Variants in SMC5 observed in about 807,000 individuals in gnomAD.
SMC5 encodes structural maintenance of chromosomes protein 5.
In SMC5, 88 loss-of-function variants were observed where a neutral mutation model predicts 148.3. The ratio of observed to expected loss-of-function variants is 0.59; its 90% confidence interval spans 0.50 to 0.71. The LOEUF is 0.71. Among genes scored for constraint, SMC5 ranks in the 30% least tolerant of loss-of-function variants. SMC5 has a pLI of 0.00. For missense variants in SMC5, 1,142 were observed against 1,298.9 expected (o/e 0.88, Z 1.86); for synonymous variants, 421 against 432.8 (o/e 0.97, Z 0.34).
Position 70,300,110 on chromosome 9 carries a change from G to A in SMC5, c.1374G>A (p.Gln458=), listed in dbSNP as rs762328337. The change falls in exon 10 of 25, where the codon CAG becomes CAA. Residue 458 remains glutamine (Q), a synonymous_variant. Transcript: ENST00000361138. ...ATCAGAAGGAAGATAAGCTAAGACA[G>A]AGATTCCGTGACACGTATGATGCTG... ...LMNQKEDKLR[Q]RFRDTYDAVL... is the part of the protein sequence containing the mutation. 2.1e-5 allele frequency: 33 copies of A among 1,603,570 alleles called. No individual in the cohort carries two copies. Among genetic ancestry groups the A allele is most frequent in the Non-Finnish European group, 2.6e-5 (31 of 1,177,036 alleles).
intron 8 of SMC5, among the ~76,000 whole-genome samples, chr9:70,287,942 C>G (rs1384811231): frequency 6.6e-6 from 1 of 152,154 alleles, no homozygotes; most frequent in African/African-American, 2.4e-5. Flanking sequence ...AAATTTGTTA[C>G]TTGTTTTTCC....
chr9:70,264,633 A>G (rs1259007278), intron 2 of SMC5, among the ~76,000 whole-genome samples, 188 bp downstream of exon 2: 1 of 152,230 alleles, frequency 6.6e-6, no homozygotes, highest in Non-Finnish European at 1.5e-5. Flanking sequence ...TCATAATACT[A>G]GAGGATTCTT....
chr9:70,283,716 A>G (rs2034819925), intron 7 of SMC5, among the ~76,000 whole-genome samples: 1 of 152,142 alleles, frequency 6.6e-6, no homozygotes, highest in Admixed American at 6.5e-5. Flanking sequence ...TGGCACTGCT[A>G]TTGGGAAAAA....
chr9:70,300,054 GATCATATTGTA>G lies in SMC5; in HGVS notation c.1319_1329del (p.Asp440AlafsTer3). The G allele has an allele frequency of 6.4e-7, 1 of 1,567,172 alleles. No homozygotes were observed. Among genetic ancestry groups the G allele is most frequent in the Non-Finnish European group, 8.6e-7 (1 of 1,166,154 alleles). ...TTGTTTTACAATTTTAGGTGTGGAC[GATCATATTGTA>G]CGTTTTGACAATCTTATGAATCAGA... is the stretch of plus-strand genomic sequence containing the variant. On this transcript the variant is annotated frameshift_variant, in exon 10 of 25. Coordinates refer to ENST00000361138, the MANE Select transcript of SMC5 (RefSeq NM_015110.4). LOFTEE classifies it high-confidence loss of function.
intron 16 of SMC5, 47 bp downstream of exon 16, chr9:70,323,653 G>A: frequency 6.4e-7 from 1 of 1,573,210 alleles, no homozygotes; most frequent in Non-Finnish European, 8.6e-7. Flanking sequence ...GAAATAGCGG[G>A]CAGATAAGAT....
chr9:70,280,656 C>T, intron 5 of SMC5, 103 bp from the exon 6 acceptor site: 1 of 1,092,076 alleles, frequency 9.2e-7, no homozygotes, highest in Non-Finnish European at 1.3e-6. Context: ...CCTGTGAATT[C>T]TTTATTGTGA....
At chr9:70,339,888 A>G (rs1403904660) in intron 17 of SMC5, among the ~76,000 whole-genome samples, 1 of 152,136 alleles carries the variant, frequency 6.6e-6, no homozygotes. Flanking sequence ...CTTATGGGCT[A>G]TTTTTAGGAC....
At chr9:70,346,576 C>A in intron 18 of SMC5, 29 bp from the exon 19 acceptor site, 1 of 1,612,398 alleles carries the variant, frequency 6.2e-7, no homozygotes, top group South Asian at 1.1e-5. Flanking sequence ...CAATGCCCCA[C>A]ATATTCTGGA....
Position 70,280,788 on chromosome 9 carries a change from A to G in SMC5, c.708A>G (p.Leu236=), listed in dbSNP as rs2118166142. 1.9e-6 allele frequency: 3 copies of G among 1,613,396 alleles called. No homozygotes were observed. Among genetic ancestry groups the G allele is most frequent in the South Asian group, 1.1e-5 (1 of 91,038 alleles). ...CATGCAAAGAGAAAACTGAGTATCT[A>G]CAGAAAATGGTTCAGAGGAATGAAA... ...ETSCKEKTEY[L]QKMVQRNERY... The change falls in exon 6 of 25, where the codon CTA becomes CTG. Residue 236 remains leucine, a synonymous_variant. Transcript: ENST00000361138.
At chr9:70,315,246 T>C (rs916664147) in intron 12 of SMC5, among the ~76,000 whole-genome samples, 200 bp from the exon 13 acceptor site, 5 of 152,082 alleles carry the variant, frequency 3.3e-5, no homozygotes, top group African/African-American at 9.6e-5. Context: ...AAGAGTAGTT[T>C]GTAATCATAA....
At chr9:70,318,421 C>T in intron 13 of SMC5, 93 bp from the exon 14 acceptor site, 1 of 1,056,102 alleles carries the variant, frequency 9.5e-7, no homozygotes, top group Admixed American at 2.7e-5. Context: ...ATATTTTGAT[C>T]TTCCAAAATT....
intron 8 of SMC5, among the ~76,000 whole-genome samples, chr9:70,287,518 A>G (rs991048151): frequency 6.6e-6 from 1 of 152,182 alleles, no homozygotes; most frequent in African/African-American, 2.4e-5. Flanking sequence ...TTCTGAGACT[A>G]AGTTTTGAAA....
At chr9:70,259,334 G>A in intron 1 of SMC5, 71 bp downstream of exon 1, 1 of 1,462,108 alleles carries the variant, frequency 6.8e-7, no homozygotes. Flanking sequence ...CTCCGGCAGC[G>A]CGCGGGCGTG....
chr9:70,294,061 A>C (rs746522591), intron 8 of SMC5, among the ~76,000 whole-genome samples: 2 of 152,152 alleles, frequency 1.3e-5, no homozygotes, highest in Non-Finnish European at 2.9e-5. Context: ...GTCTCCTTAC[A>C]TTCTACAAAG....
chr9:70,349,274 C>G (rs2036747405), intron 22 of SMC5, among the ~76,000 whole-genome samples: 1 of 152,094 alleles, frequency 6.6e-6, no homozygotes. Context: ...CCCATGTTGG[C>G]CAGGCTGGTC....
At chr9:70,275,587 G>T (rs1041101488) in intron 3 of SMC5, among the ~76,000 whole-genome samples, 1 of 151,982 alleles carries the variant, frequency 6.6e-6, no homozygotes, top group African/African-American at 2.4e-5. Flanking sequence ...ATGTGAATCT[G>T]ATCTTAGTTT....
Position 70,298,272 on chromosome 9 carries a change from CTG to C in SMC5, c.1309+53_1309+54del, listed in dbSNP as rs765201062. On this transcript the variant is annotated intron_variant, in intron 9 of 24. Transcript: ENST00000361138. ...ATGTTTATAAAATGTAGATACATCT[CTG>C]TTGATGAACTTTCTTCTGCTTCTAT... 2.6e-6 allele frequency: 4 copies of C among 1,536,024 alleles called. No homozygotes were observed. The East Asian group carries it at 9.0e-5, about 35-fold the overall frequency.
chr9:70,283,515 C>T (rs1245062640), intron 7 of SMC5, among the ~76,000 whole-genome samples: 1 of 152,058 alleles, frequency 6.6e-6, no homozygotes, highest in East Asian at 1.9e-4. Flanking sequence ...AATAAAGAAT[C>T]TCTGATATAA....
At chr9:70,351,860 G>A (rs970447284) in intron 24 of SMC5, among the ~76,000 whole-genome samples, 3 of 152,130 alleles carry the variant, frequency 2.0e-5, no homozygotes, top group African/African-American at 7.2e-5. Context: ...CAGATCACCT[G>A]AGGTCAGGAG....
Sources: gnomAD v4.1 joint callset for allele counts (sites outside exome capture counted in the v4.1 genomes callset) on GRCh38, gnomAD v4.1.1 for gene constraint, MANE v1.5 for transcripts, NCBI Gene and HGNC (gene_info 2026-07-23, HGNC 2026-07-21) for gene names.